Variants in TLN2 observed in about 807,000 individuals in gnomAD.
TLN2 encodes the protein talin 2.
In TLN2, 118 loss-of-function variants were observed where a neutral mutation model predicts 294.7. The observed-to-expected ratio is 0.40, with a 90% CI of 0.34 to 0.47. TLN2 has a LOEUF of 0.47. TLN2 is among the 20% of genes least tolerant of loss of function. TLN2 has a pLI of 0.84. For missense variants in TLN2, 3,083 were observed against 3,282.2 expected (o/e 0.94, Z 1.48); for synonymous variants, 1,431 against 1,304.5 (o/e 1.10, Z -2.09).
At chr15:62,543,264 A>T (rs1567077321) in intron 1 of TLN2, among the ~76,000 whole-genome samples, 1 of 152,202 alleles carries the variant, frequency 6.6e-6, no homozygotes, top group Admixed American at 6.5e-5. Context: ...CAAATTGTTC[A>T]GAAACTCTAT....
At chr15:62,407,600 A>T (rs927001970) in intron 1 of TLN2, among the ~76,000 whole-genome samples, 2 of 152,104 alleles carry the variant, frequency 1.3e-5, no homozygotes, top group Non-Finnish European at 2.9e-5. Context: ...CTTGCGTCGG[A>T]ATCCCTAGGA....
At chr15:62,786,674 A>G (rs985924374) in intron 45 of TLN2, among the ~76,000 whole-genome samples, 1 of 111,586 alleles carries the variant, frequency 9.0e-6, no homozygotes, top group Non-Finnish European at 2.1e-5. Context: ...TGTTAAGATG[A>G]TTTGTGAGAA....
At chr15:62,519,620 A>G (rs2040357317) in intron 1 of TLN2, among the ~76,000 whole-genome samples, 1 of 152,228 alleles carries the variant, frequency 6.6e-6, no homozygotes, top group South Asian at 2.1e-4. Flanking sequence ...GGATTAGGCT[A>G]GGAAGCAAAA....
In TLN2 at chr15:62,537,302, A is replaced by G. The variant is rs76343361; in HGVS notation, c.-237-52385A>G. 4.6e-3 allele frequency among the ~76,000 whole-genome samples: 694 copies of G among 152,276 alleles called. 7 individuals carry two copies. Among genetic ancestry groups the G allele is most frequent in the African/African-American group, 0.016 (665 of 41,564 alleles). On this transcript the variant is annotated intron_variant, in intron 1 of 58. Coordinates refer to ENST00000636159, the MANE Select transcript of TLN2 (RefSeq NM_015059.3). ...AGTGCTGGGATTACAGGCATGAGCC[A>G]CCGCGCCCGGCCTGTCATTGTAGTT...
At chr15:62,750,371 T>C in intron 33 of TLN2, 31 bp from the exon 34 acceptor site, 1 of 1,591,528 alleles carries the variant, frequency 6.3e-7, no homozygotes, top group East Asian at 2.2e-5. Context: ...TGACATTTGC[T>C]TGCTTTTTAT....
At chr15:62,512,111 G>T (rs1247462928) in intron 1 of TLN2, among the ~76,000 whole-genome samples, 3 of 152,128 alleles carry the variant, frequency 2.0e-5, no homozygotes, top group Admixed American at 2.0e-4. Flanking sequence ...GTCACAGCTG[G>T]AAGCAGAAAA....
intron 1 of TLN2, among the ~76,000 whole-genome samples, chr15:62,479,043 C>T (rs564810922): frequency 1.3e-5 from 2 of 152,196 alleles, no homozygotes; most frequent in South Asian, 4.2e-4. Context: ...TGCGTATAAC[C>T]CCTTCTGGAA....
chr15:62,608,286 G>C (rs2047622679), intron 2 of TLN2, among the ~76,000 whole-genome samples: 1 of 152,120 alleles, frequency 6.6e-6, no homozygotes, highest in Non-Finnish European at 1.5e-5. Context: ...ATGGATTTTG[G>C]AATATCTAAT....
chr15:62,647,573 T>C (rs2052033613), intron 4 of TLN2, 127 bp downstream of exon 4: 3 of 1,309,240 alleles, frequency 2.3e-6, no homozygotes, highest in East Asian at 2.3e-5. Context: ...TGAAATACCT[T>C]CTTAGATCAG....
chr15:62,569,445 A>T (rs1420853067), intron 1 of TLN2, among the ~76,000 whole-genome samples: 1 of 152,166 alleles, frequency 6.6e-6, no homozygotes, highest in Non-Finnish European at 1.5e-5. Flanking sequence ...AGAAACTGGG[A>T]GATTCAGAAA....
intron 19 of TLN2, among the ~76,000 whole-genome samples, chr15:62,705,044 T>C (rs932579431): frequency 2.0e-5 from 3 of 152,250 alleles, no homozygotes; most frequent in African/African-American, 7.2e-5. Context: ...CAACCTTGTA[T>C]TTTTTAAAAG....
chr15:62,577,765 A>G (rs2044557007), intron 1 of TLN2, among the ~76,000 whole-genome samples: 2 of 152,274 alleles, frequency 1.3e-5, no homozygotes, highest in South Asian at 2.1e-4. Flanking sequence ...ACATAGGTAT[A>G]CATGTGCCAT....
intron 2 of TLN2, among the ~76,000 whole-genome samples, chr15:62,601,852 G>A (rs537664011): frequency 1.9e-4 from 29 of 152,160 alleles, no homozygotes; most frequent in African/African-American, 4.8e-4. Context: ...TAATTGATGC[G>A]TTTCAATTTA....
chr15:62,454,109 AT>A (rs2036322072), intron 1 of TLN2, among the ~76,000 whole-genome samples: 1 of 152,108 alleles, frequency 6.6e-6, no homozygotes, highest in Non-Finnish European at 1.5e-5. Flanking sequence ...GACATGCTTT[AT>A]TTTGGGGTTT....
At chr15:62,645,898 G>GA (rs1480660900) in intron 3 of TLN2, among the ~76,000 whole-genome samples, 1 of 152,094 alleles carries the variant, frequency 6.6e-6, no homozygotes, top group Non-Finnish European at 1.5e-5. Flanking sequence ...CAGGCACAAA[G>GA]AAAAAAGCGT....
At chr15:62,839,185 TC>T (rs1168700766) in intron 58 of TLN2, among the ~76,000 whole-genome samples, 1 of 152,156 alleles carries the variant, frequency 6.6e-6, no homozygotes, top group African/African-American at 2.4e-5. Context: ...GGCCACGTGG[TC>T]CACGTTGGTT....
At chr15:62,659,582 A>G (rs2053598546) in intron 9 of TLN2, among the ~76,000 whole-genome samples, 1 of 152,338 alleles carries the variant, frequency 6.6e-6, no homozygotes, top group South Asian at 2.1e-4. Context: ...CTCACACTCC[A>G]GCAACAGTAT....
At chr15:62,639,661 C>A (rs996932193) in intron 3 of TLN2, among the ~76,000 whole-genome samples, 1 of 152,176 alleles carries the variant, frequency 6.6e-6, no homozygotes, top group Non-Finnish European at 1.5e-5. Flanking sequence ...ATCACATGAG[C>A]TGTGTTCATT....
chr15:62,420,522 G>A (rs1046312988), intron 1 of TLN2, among the ~76,000 whole-genome samples: 3 of 151,888 alleles, frequency 2.0e-5, no homozygotes, highest in South Asian at 2.1e-4. Context: ...TCAGCCTTCC[G>A]AGCAGCTGGG....
Sources: gnomAD v4.1 joint callset for allele counts (sites outside exome capture counted in the v4.1 genomes callset) on GRCh38, gnomAD v4.1.1 for gene constraint, MANE v1.5 for transcripts, NCBI Gene and HGNC (gene_info 2026-07-23, HGNC 2026-07-21) for gene names.